The following NRP1 variants were observed in gnomAD, a reference collection of about 807,000 sequenced individuals.
NRP1 encodes neuropilin-1.
NRP1 carries 35 observed loss-of-function variants against 106.7 expected under a neutral mutation model. That is an observed-to-expected ratio of 0.33 (90% confidence interval 0.25 to 0.43). The LOEUF (loss-of-function observed/expected upper bound fraction) is 0.43. Among genes scored for constraint, NRP1 ranks in the 20% least tolerant of loss-of-function variants. The pLI, the probability that NRP1 is intolerant of heterozygous loss-of-function variation, is 1.00. For synonymous variants in NRP1, 437 were observed against 417.9 expected (o/e 1.05, Z -0.56); for missense variants, 1,024 against 1,170.4 (o/e 0.87, Z 1.83).
chr10:33,208,725 T>G (rs1368891257), intron 9 of NRP1, among the ~76,000 whole-genome samples: 1 of 152,070 alleles, frequency 6.6e-6, no homozygotes, highest in African/African-American at 2.4e-5. Flanking sequence ...ATCTATTAAC[T>G]CATTTAATCC....
rs537552413 is a variant in NRP1, at chr10:33,250,632, G to A, written c.981+3396C>T. Among the ~76,000 whole-genome samples the A allele has an allele frequency of 2.0e-3, 307 of 152,328 alleles. 2 individuals are homozygous for A. Among genetic ancestry groups the A allele is most frequent in the African/African-American group, 7.3e-3 (302 of 41,568 alleles). Reference sequence around the variant, plus strand: ...GTAATATAAACAAGTGGGTGTTAGAGTCTGATAGACCTTGTTTCCAAGCCT... The same window carrying A: ...GTAATATAAACAAGTGGGTGTTAGAATCTGATAGACCTTGTTTCCAAGCCT... On this transcript the variant is annotated intron_variant, in intron 6 of 16. Transcript: ENST00000374867.
intron 2 of NRP1, among the ~76,000 whole-genome samples, chr10:33,302,347 C>A (rs117456516): frequency 6.6e-6 from 1 of 152,204 alleles, no homozygotes; most frequent in Non-Finnish European, 1.5e-5. Flanking sequence ...CTGTTTGGCC[C>A]CTTTGCGTAA....
At chr10:33,273,977 T>C (rs1377718014) in intron 2 of NRP1, among the ~76,000 whole-genome samples, 1 of 152,124 alleles carries the variant, frequency 6.6e-6, no homozygotes, top group Non-Finnish European at 1.5e-5. Flanking sequence ...AAACATGTTG[T>C]GGATTTTTTA....
At chr10:33,261,941 G>T (rs1842602737) in intron 4 of NRP1, among the ~76,000 whole-genome samples, 1 of 152,070 alleles carries the variant, frequency 6.6e-6, no homozygotes, top group African/African-American at 2.4e-5. Flanking sequence ...TCACTCTGTT[G>T]GCCAGTCTGG....
At chr10:33,199,383 ATATATATTTTTTTTTTTTTT>A (rs1837076872) in intron 11 of NRP1, among the ~76,000 whole-genome samples, 1 of 59,946 alleles carries the variant, frequency 1.7e-5, no homozygotes, top group African/African-American at 6.9e-5. Flanking sequence ...ATATATATAT[ATATATATTTTTTTTTTTTTT>A]TTTTTTTTTT....
intron 10 of NRP1, chr10:33,206,450 G>T: frequency 2.5e-6 from 1 of 395,158 alleles, no homozygotes; most frequent in South Asian, 1.9e-5. Context: ...TAAACACATT[G>T]AAAAGTAGCT....
intron 2 of NRP1, among the ~76,000 whole-genome samples, chr10:33,308,511 G>A (rs1846332255): frequency 6.6e-6 from 1 of 151,526 alleles, no homozygotes; most frequent in South Asian, 2.1e-4. Flanking sequence ...TTTTGAGATG[G>A]AGTCTCACTC....
At chr10:33,199,409 T>A (rs1837099006) in intron 11 of NRP1, among the ~76,000 whole-genome samples, 2 of 107,764 alleles carry the variant, frequency 1.9e-5, no homozygotes, top group African/African-American at 7.2e-5. Context: ...TTTTTTTTTT[T>A]TTTTTTTTTT....
intron 6 of NRP1, among the ~76,000 whole-genome samples, chr10:33,228,442 A>G (rs1278982807): frequency 1.3e-5 from 2 of 152,216 alleles, no homozygotes; most frequent in African/African-American, 4.8e-5. Flanking sequence ...CCAACTTTTG[A>G]ATTTTGCTTT....
chr10:33,325,633 C>G (rs889494709), intron 2 of NRP1, among the ~76,000 whole-genome samples: 1 of 152,090 alleles, frequency 6.6e-6, no homozygotes, highest in African/African-American at 2.4e-5. Context: ...AGCACTGTTT[C>G]AAAGTTTTTA....
intron 6 of NRP1, among the ~76,000 whole-genome samples, chr10:33,244,278 T>A (rs1841253516): frequency 6.6e-6 from 1 of 152,198 alleles, no homozygotes; most frequent in Non-Finnish European, 1.5e-5. Context: ...GCTTAGGAGT[T>A]GGTGTGTTAC....
intron 3 of NRP1, among the ~76,000 whole-genome samples, chr10:33,268,346 G>C (rs1843065423): frequency 6.6e-6 from 1 of 152,074 alleles, no homozygotes; most frequent in Non-Finnish European, 1.5e-5. Context: ...GCCACAACTG[G>C]GCCTATTTGG....
intron 6 of NRP1, among the ~76,000 whole-genome samples, chr10:33,227,444 G>T (rs1053014842): frequency 2.2e-4 from 28 of 128,262 alleles, no homozygotes; most frequent in African/African-American, 8.2e-4. Flanking sequence ...GAGGAAGAGG[G>T]TAAAGATTTC....
Position 33,263,795 on chromosome 10 carries a change from C to A in NRP1, c.509G>T (p.Ser170Ile), listed in dbSNP as rs1842739452. The A allele has an allele frequency of 6.2e-7, 1 of 1,613,684 alleles. No individual in the cohort carries two copies. Among genetic ancestry groups the A allele is most frequent in the South Asian group, 1.1e-5 (1 of 91,078 alleles). Residue 170 changes from serine (S) to isoleucine (I), a missense_variant, in exon 4 of 17, where the codon AGC (serine) becomes ATC (isoleucine). Physicochemically the swap from Ser to Ile is moderately radical, Grantham distance 142 (BLOSUM62 -2). Transcript: ENST00000374867. ...AAAGACAATATAAGTGCATTCAAGG[C>A]TGTTGGGATATTTTTCAGGGAATCC... ...SPGFPEKYPN[S>I]LECTYIVFVP...
At chr10:33,236,279 A>G (rs1353685529) in intron 6 of NRP1, among the ~76,000 whole-genome samples, 1 of 152,248 alleles carries the variant, frequency 6.6e-6, no homozygotes, top group Non-Finnish European at 1.5e-5. Flanking sequence ...AAACAATGGT[A>G]ATCAGTCTCA....
chr10:33,230,388 C>T (rs1293882825), intron 6 of NRP1, among the ~76,000 whole-genome samples: 1 of 152,126 alleles, frequency 6.6e-6, no homozygotes, highest in Non-Finnish European at 1.5e-5. Flanking sequence ...TGAAGGCAAT[C>T]GAGAATCAAC....
intron 4 of NRP1, among the ~76,000 whole-genome samples, chr10:33,262,146 A>G (rs1378349310): frequency 6.6e-6 from 1 of 152,200 alleles, no homozygotes; most frequent in Non-Finnish European, 1.5e-5. Context: ...ATGGTGAAGA[A>G]CTTCCAAGCC....
At chr10:33,222,339 T>A (rs189648276) in intron 7 of NRP1, among the ~76,000 whole-genome samples, 3 of 152,316 alleles carry the variant, frequency 2.0e-5, no homozygotes. Context: ...TTCTCCCCTT[T>A]GACTTCATTC....
At chr10:33,204,542 T>C (rs1042238878) in intron 10 of NRP1, among the ~76,000 whole-genome samples, 1 of 152,216 alleles carries the variant, frequency 6.6e-6, no homozygotes, top group Admixed American at 6.5e-5. Context: ...TTTAAGTATT[T>C]AAAACTCTAT....
Sources: allele counts gnomAD v4.1 joint callset (sites outside exome capture counted in the v4.1 genomes callset), GRCh38; gene constraint gnomAD v4.1.1; transcripts MANE v1.5; gene names NCBI Gene and HGNC (gene_info 2026-07-23, HGNC 2026-07-21).